BYSL: variants seen among roughly 807,000 people sequenced by gnomAD.
The protein encoded by BYSL is bystin.
Under a neutral mutation model 45.4 loss-of-function variants are expected in BYSL, and 21 were observed. The ratio of observed to expected loss-of-function variants is 0.46; its 90% confidence interval spans 0.33 to 0.67. The LOEUF (loss-of-function observed/expected upper bound fraction) is 0.67, where lower values mean the gene tolerates loss of function less well. BYSL is among the 30% of genes least tolerant of loss of function. The pLI is 0.02. For synonymous variants in BYSL, 215 were observed against 231.3 expected (o/e 0.93, Z 0.64); for missense variants, 522 against 578.5 (o/e 0.90, Z 1.00).
At chr6:41,925,759 C>CACCTCA (rs1775555773) in intron 1 of BYSL, among the ~76,000 whole-genome samples, 1 of 151,812 alleles carries the variant, frequency 6.6e-6, no homozygotes, top group Non-Finnish European at 1.5e-5. Context: ...CGGCTCACCT[C>CACCTCA]ACCTCAACCT....
chr6:41,909,579 TAGAGTC>T, the BYSL span: 4 of 1,588,652 alleles, frequency 2.5e-6, no homozygotes, highest in African/African-American at 5.4e-5. Flanking sequence ...AACCCCAGAG[TAGAGTC>T]AAATGACTCC....
chr6:41,909,173 CAA>C, the BYSL span: 1,506 of 1,297,692 alleles, frequency 1.2e-3, no homozygotes, highest in South Asian at 2.1e-3. Flanking sequence ...GACTCTGTCT[CAA>C]AAAAAAAAAA....
At chr6:41,908,913 T>G in the BYSL span, 1 of 322,742 alleles carries the variant, frequency 3.1e-6, no homozygotes, top group East Asian at 4.9e-5. Context: ...CCAGGTGTGT[T>G]GGCTCATACC....
chr6:41,923,181 A>G (rs1775514887), intron 1 of BYSL, among the ~76,000 whole-genome samples: 1 of 150,884 alleles, frequency 6.6e-6, no homozygotes, highest in Admixed American at 6.6e-5. Flanking sequence ...TCTCTCTGTC[A>G]CCCAGGATAG....
chr6:41,910,156 T>C, the BYSL span, among the ~76,000 whole-genome samples: 2 of 152,190 alleles, frequency 1.3e-5, no homozygotes, highest in African/African-American at 2.4e-5. Flanking sequence ...TTTAGAAGTC[T>C]AGCCAACTTG....
At chr6:41,920,811 C>T (rs1775442877), upstream of BYSL, 1 of 573,264 alleles carries the variant, frequency 1.7e-6, no homozygotes, top group Non-Finnish European at 2.9e-6. Context: ...TTTGCTTTCC[C>T]GCCTTCCAAG....
chr6:41,915,789 A>AACACACACACACACACACACACACAC, the BYSL span, among the ~76,000 whole-genome samples: 2,749 of 148,634 alleles, frequency 0.018, 43 homozygotes, highest in Middle Eastern at 0.049. Flanking sequence ...TCCGTCTCAA[A>AACACACACACACACACACACACACAC]ACACACACAC....
At position 41,931,709 on chromosome 6, in the gene BYSL, G is replaced by A; in HGVS notation, c.866-19G>A. On this transcript the variant is annotated intron_variant, in intron 5 of 6. Transcript: ENST00000230340. ...TTCTCATCCTGGGCTCACAGTGGCT[G>A]CCCTTTGACTCTCCCTAGGGATCCT... is the stretch of plus-strand genomic sequence containing the variant. 6.2e-7 allele frequency: 1 copy of A among 1,611,340 alleles called. No homozygotes were observed. The highest frequency in any genetic ancestry group is 2.2e-5 in the East Asian group (1 of 44,866).
chr6:41,930,493 G>A, intron 3 of BYSL, 142 bp from the exon 4 acceptor site: 1 of 1,273,320 alleles, frequency 7.9e-7, no homozygotes, highest in Non-Finnish European at 1.1e-6. Flanking sequence ...TCTGTAAAAT[G>A]AGCATAATAA....
upstream of BYSL, chr6:41,916,675 C>A: frequency 1.5e-6 from 2 of 1,348,142 alleles, no homozygotes; most frequent in East Asian, 2.3e-5. Context: ...CATCTCGCCA[C>A]ATGTTTAAGA....
the BYSL span, among the ~76,000 whole-genome samples, chr6:41,909,718 A>C: frequency 6.6e-6 from 1 of 152,198 alleles, no homozygotes; most frequent in Non-Finnish European, 1.5e-5. Flanking sequence ...GAGAGGCAGC[A>C]TGTGGTAAAA....
At position 41,921,815 on chromosome 6, in the gene BYSL, C is replaced by A; in HGVS notation, c.253C>A (p.Arg85Ser). Residue 85 changes from arginine (R) to serine (S), a missense_variant, in exon 1 of 7, where the codon CGC becomes AGC. Coordinates refer to ENST00000230340, the MANE Select transcript of BYSL (RefSeq NM_004053.4). The part of the protein sequence containing the change: ...TGDKPAAPRE[R>S]TTRLGPRMPQ... ...GGACAAGCCCGCGGCGCCGCGGGAACGCACCACGCGGCTGGGTGAGTGTCT... is the reference window on the plus strand; with the variant it reads ...GGACAAGCCCGCGGCGCCGCGGGAAAGCACCACGCGGCTGGGTGAGTGTCT... 1.2e-6 allele frequency: 2 copies of A among 1,611,086 alleles called. No individual in the cohort carries two copies. The highest frequency in any genetic ancestry group is 1.7e-6 in the Non-Finnish European group (2 of 1,179,038).
At chr6:41,909,242 C>G in the BYSL span, 3 of 1,607,186 alleles carry the variant, frequency 1.9e-6, no homozygotes, top group Non-Finnish European at 1.7e-6. Context: ...TCAGAACATC[C>G]TGCTCCTATT....
the BYSL span, chr6:41,909,365 C>T: frequency 6.2e-7 from 1 of 1,614,206 alleles, no homozygotes. Context: ...GGGTCTCAAT[C>T]TTGCTGGCCT....
the BYSL span, chr6:41,909,566 G>T: frequency 3.7e-6 from 6 of 1,601,028 alleles, no homozygotes; most frequent in African/African-American, 5.4e-5. Context: ...ACTTTCACTG[G>T]CAAACCCCAG....
At chr6:41,928,437 A>C (rs1444497144) in intron 2 of BYSL, among the ~76,000 whole-genome samples, 1 of 152,228 alleles carries the variant, frequency 6.6e-6, no homozygotes, top group African/African-American at 2.4e-5. Context: ...GATGCCTAAC[A>C]GTTGAAATAT....
At chr6:41,931,244 G>A in intron 4 of BYSL, 152 bp from the exon 5 acceptor site, 5 of 854,812 alleles carry the variant, frequency 5.8e-6, no homozygotes, top group Non-Finnish European at 7.3e-6. Context: ...GATGGGTGTT[G>A]CATGCACACA....
the BYSL span, among the ~76,000 whole-genome samples, chr6:41,915,546 G>C: frequency 2.0e-5 from 3 of 151,972 alleles, no homozygotes; most frequent in Non-Finnish European, 4.4e-5. Flanking sequence ...CCAGCACTTC[G>C]GGAGGCCGAG....
At chr6:41,928,710 A>T (rs767425476) in intron 2 of BYSL, among the ~76,000 whole-genome samples, 1 of 152,202 alleles carries the variant, frequency 6.6e-6, no homozygotes, top group Non-Finnish European at 1.5e-5. Context: ...GGGGCACATT[A>T]TAAGGTACTA....
Sources: gnomAD v4.1 joint callset for allele counts (sites outside exome capture counted in the v4.1 genomes callset) on GRCh38, gnomAD v4.1.1 for gene constraint, MANE v1.5 for transcripts, NCBI Gene and HGNC (gene_info 2026-07-23, HGNC 2026-07-21) for gene names.